PECAM1: variants seen among roughly 807,000 people sequenced by gnomAD.
The protein encoded by PECAM1 is platelet and endothelial cell adhesion molecule 1.
PECAM1 carries 8 observed loss-of-function variants against 13.8 expected under a neutral mutation model. The observed-to-expected ratio is 0.58, with a 90% CI of 0.34 to 1.05. The LOEUF (loss-of-function observed/expected upper bound fraction) is 1.05. Among genes scored for constraint, PECAM1 ranks in the 50% least tolerant of loss-of-function variants. The pLI is 0.03. For missense variants in PECAM1, 304 were observed against 141.2 expected (o/e 2.15, Z -5.84); for synonymous variants, 136 against 52.6 (o/e 2.58, Z -6.86).
chr17:64,376,384 T>C (rs118195209), intron 3 of PECAM1, among the ~76,000 whole-genome samples: 32 of 152,296 alleles, frequency 2.1e-4, no homozygotes, highest in African/African-American at 7.5e-4. Context: ...GTGTTTTCAA[T>C]GGTTTATAAT....
At position 64,332,288 on chromosome 17, in the gene PECAM1, T is replaced by C. The variant is rs1250012753; in HGVS notation, c.2165-2566A>G. On this transcript the variant is annotated intron_variant, in intron 14 of 15. Coordinates refer to ENST00000563924, the MANE Select transcript of PECAM1 (RefSeq NM_000442.5). ...GTGAGGTTGAGGACAGCACCCCCAA[T>C]GCAAATCTGACCTGCAAGGACCCAA... 3.3e-5 allele frequency among the ~76,000 whole-genome samples: 5 copies of C among 152,066 alleles called. No homozygotes were observed. In the East Asian group the frequency reaches 9.6e-4, roughly 29 times the overall value.
chr17:64,357,717 T>C (rs2035877077), intron 7 of PECAM1, among the ~76,000 whole-genome samples: 1 of 152,216 alleles, frequency 6.6e-6, no homozygotes, highest in Non-Finnish European at 1.5e-5. Context: ...ACTGGCCTTC[T>C]GTGGTTATTG....
intron 15 of PECAM1, among the ~76,000 whole-genome samples, chr17:64,328,488 T>G (rs1197460721): frequency 6.6e-6 from 1 of 152,204 alleles, no homozygotes. Context: ...TCCTCATCTG[T>G]AAATTGGGCT....
At position 64,360,402 on chromosome 17, in the gene PECAM1, C is replaced by T; in HGVS notation, c.1230G>A (p.Gln410=). 1 of 475,286 alleles carries T rather than the reference C, an allele frequency of 2.1e-6. No homozygotes were observed. The highest frequency in any genetic ancestry group is 3.1e-5 in the East Asian group (1 of 32,042). 29.4% of individuals were successfully genotyped at this position (475,286 alleles called of 1,614,324 possible). ...VQIVVCEMLS[Q]PRISYDAQFE... Reference sequence around the variant, plus strand: ...ACTGGGCATCATAAGAAATCCTGGGCTGGGAGAGCATTTCTAGAACAGAGG... The same window carrying T: ...ACTGGGCATCATAAGAAATCCTGGGTTGGGAGAGCATTTCTAGAACAGAGG... Residue 410 remains glutamine, a synonymous_variant, in exon 7 of 16, where the codon CAG becomes CAA. Coordinates refer to ENST00000563924, the MANE Select transcript of PECAM1 (RefSeq NM_000442.5).
chr17:64,327,903 C>T (rs1225048687), intron 15 of PECAM1, among the ~76,000 whole-genome samples: 3 of 152,180 alleles, frequency 2.0e-5, no homozygotes, highest in Admixed American at 2.0e-4. Context: ...CTGGGCAATT[C>T]AATTAATTTT....
chr17:64,323,802 TCTGGCCTTG>T lies in PECAM1; in HGVS notation c.*5_*13del, dbSNP rs1231327594. The T allele has an allele frequency of 4.2e-6, 4 of 941,948 alleles. No homozygotes were observed. In the African/African-American group the frequency reaches 6.4e-5, roughly 15 times the overall value. The allele number at this position is 941,948 out of a possible 1,614,324, so 58.3% of individuals were successfully genotyped here. A position where few individuals can be genotyped will look rare whatever the true frequency, so the allele number is the denominator to read the frequency against. On this transcript the variant is annotated 3_prime_UTR_variant, in exon 16 of 16. Coordinates refer to ENST00000563924, the MANE Select transcript of PECAM1 (RefSeq NM_000442.5). ...ATGGATGTCCTTCCAGGGATGTGCA[TCTGGCCTTG>T]CTGTCTAAGTTCCATCAAGGGAGCC...
intron 9 of PECAM1, among the ~76,000 whole-genome samples, chr17:64,353,940 CTTTTT>C (rs11446231): frequency 7.7e-6 from 1 of 130,120 alleles, no homozygotes. Flanking sequence ...CTCTCTCTCT[CTTTTT>C]TTTTTTTTTT....
chr17:64,373,732 C>A (rs2036294033), intron 4 of PECAM1, among the ~76,000 whole-genome samples: 4 of 152,058 alleles, frequency 2.6e-5, no homozygotes. Context: ...GATAATAGAA[C>A]ATACAGACAC....
rs2034789342 is a variant in PECAM1, at chr17:64,320,015, C to T, written c.*3801G>A. The T allele has an allele frequency of 6.6e-6, 1 of 152,230 alleles. No individual in the cohort carries two copies. Among genetic ancestry groups the T allele is most frequent in the Non-Finnish European group, 1.5e-5 (1 of 68,068 alleles). The allele number at this position is 152,230 out of a possible 1,614,324, so 9.4% of individuals were successfully genotyped here. The stretch of plus-strand genomic sequence containing the variant: ...GCCTAGCTCCCTACTCTAACATTTC[C>T]ACTCTGTGGACCCCAGGTTGAGATC... On this transcript the variant is annotated 3_prime_UTR_variant, in exon 16 of 16. Coordinates refer to ENST00000563924, the MANE Select transcript of PECAM1 (RefSeq NM_000442.5).
chr17:64,331,725 C>A (rs1231988910), intron 14 of PECAM1, among the ~76,000 whole-genome samples: 2 of 152,262 alleles, frequency 1.3e-5, no homozygotes, highest in African/African-American at 2.4e-5. Flanking sequence ...CAGGACCCCA[C>A]CCAATGGTCA....
At chr17:64,371,761 C>T (rs1282527930) in intron 4 of PECAM1, among the ~76,000 whole-genome samples, 5 of 152,032 alleles carry the variant, frequency 3.3e-5, no homozygotes, top group Non-Finnish European at 5.9e-5. Context: ...ACCTGGTGGG[C>T]GGAGGTTGCA....
chr17:64,372,568 C>T (rs982905681), intron 4 of PECAM1, among the ~76,000 whole-genome samples: 32 of 152,158 alleles, frequency 2.1e-4, no homozygotes, highest in Non-Finnish European at 3.7e-4. Flanking sequence ...TGCAGTGACA[C>T]GGTGGCTCAC....
intron 6 of PECAM1, among the ~76,000 whole-genome samples, chr17:64,361,369 C>T (rs1298707170): frequency 1.3e-5 from 2 of 151,914 alleles, no homozygotes; most frequent in Non-Finnish European, 2.9e-5. Flanking sequence ...TGGCCTCAAA[C>T]TCCTGACCTC....
chr17:64,334,728 C>T lies in PECAM1; in HGVS notation c.2165-5006G>A, dbSNP rs911670793. ...TTCACCGTGTTAGCCAGGATGGTCT[C>T]GATCTCCTGACCTCATGATCCGCCC... On this transcript the variant is annotated intron_variant, in intron 14 of 15. Transcript: ENST00000563924. Among the ~76,000 whole-genome samples the T allele has an allele frequency of 2.0e-4, 31 of 152,156 alleles. No homozygotes were observed. The East Asian group carries it at 5.0e-3, about 25-fold the overall frequency.
Position 64,348,331 on chromosome 17 carries a change from A to C in PECAM1, c.2045-9T>G, listed in dbSNP as rs71377741. ...GTCTGAGTTCAGAGGCTCTGCTCAAAGAAACCACAGCAGCTTGTTGTTTAG... is the reference window on the plus strand; with the variant it reads ...GTCTGAGTTCAGAGGCTCTGCTCAACGAAACCACAGCAGCTTGTTGTTTAG... On this transcript the variant is annotated splice_polypyrimidine_tract_variant and intron_variant, in intron 12 of 15. Transcript: ENST00000563924. 7 of 475,148 alleles carry C rather than the reference A, an allele frequency of 1.5e-5. No individual in the cohort carries two copies. The highest frequency in any genetic ancestry group is 2.7e-5 in the Non-Finnish European group (7 of 259,036). 29.4% of individuals were successfully genotyped at this position (475,148 alleles called of 1,614,324 possible). A position where few individuals can be genotyped will look rare whatever the true frequency, so the allele number is the denominator to read the frequency against.
intron 14 of PECAM1, among the ~76,000 whole-genome samples, chr17:64,330,142 A>G (rs1177928769): frequency 6.6e-6 from 1 of 151,682 alleles, no homozygotes; most frequent in African/African-American, 2.4e-5. Flanking sequence ...CAGCCTCCCA[A>G]GTTGCTGGGA....
intron 13 of PECAM1, among the ~76,000 whole-genome samples, chr17:64,342,176 G>GAAA (rs2035451102): frequency 6.7e-6 from 1 of 150,214 alleles, no homozygotes; most frequent in African/African-American, 2.4e-5. Flanking sequence ...AGAAGAAGAA[G>GAAA]GTCTTGGTCT....
chr17:64,381,233 G>A (rs965459471), intron 2 of PECAM1, among the ~76,000 whole-genome samples: 1 of 152,106 alleles, frequency 6.6e-6, no homozygotes, highest in African/African-American at 2.4e-5. Flanking sequence ...TCTATCTTGT[G>A]GATTCTGAGA....
intron 5 of PECAM1, among the ~76,000 whole-genome samples, chr17:64,365,650 G>A (rs2036087314): frequency 1.3e-5 from 2 of 151,836 alleles, no homozygotes; most frequent in African/African-American, 4.8e-5. Context: ...ACGGAACAGA[G>A]CCCTCAGGAA....
Sources: gnomAD v4.1 joint callset for allele counts (sites outside exome capture counted in the v4.1 genomes callset) on GRCh38, gnomAD v4.1.1 for gene constraint, MANE v1.5 for transcripts, NCBI Gene and HGNC (gene_info 2026-07-23, HGNC 2026-07-21) for gene names.